Variants in CRLF3 observed in about 807,000 individuals in gnomAD.
CRLF3 encodes the protein cytokine receptor like factor 3.
A neutral mutation model predicts 55.0 loss-of-function variants in CRLF3; 33 were observed. That is an observed-to-expected ratio of 0.60 (90% confidence interval 0.46 to 0.80). The LOEUF is 0.80. Among genes scored for constraint, CRLF3 ranks in the 30% least tolerant of loss-of-function variants. The probability of loss-of-function intolerance (pLI) is 0.00; values close to 1 mark genes in which losing one functional copy is unlikely to be tolerated. For missense variants in CRLF3, 494 were observed against 538.4 expected (o/e 0.92, Z 0.82); for synonymous variants, 238 against 196.8 (o/e 1.21, Z -1.75).
chr17:30,811,987 G>A (rs1038619718), intron 1 of CRLF3, among the ~76,000 whole-genome samples: 28 of 151,902 alleles, frequency 1.8e-4, no homozygotes, highest in African/African-American at 5.8e-4. Flanking sequence ...GCGGGCACTT[G>A]TAGTCCCAGC....
intron 7 of CRLF3, chr17:30,784,728 G>T: frequency 2.2e-5 from 6 of 273,576 alleles, no homozygotes; most frequent in Admixed American, 1.5e-4. Context: ...AAAGAATCTT[G>T]TTCTACCGAA....
chr17:30,824,551 A>G lies in CRLF3; in HGVS notation c.101T>C (p.Leu34Pro). The G allele has an allele frequency of 6.3e-7, 1 of 1,598,800 alleles. No homozygotes were observed. Among genetic ancestry groups the G allele is most frequent in the Non-Finnish European group, 8.5e-7 (1 of 1,177,240 alleles). Residue 34 changes from leucine to proline, a missense_variant, in exon 1 of 8, where the codon CTT becomes CCT. Physicochemically the swap from Leu to Pro is moderately conservative, Grantham distance 98. Transcript: ENST00000324238. ...QSYRRELGHR[L>P]EGLREARRQI... ...CCTCCGCGCCTCACGCAGCCCCTCA[A>G]GCCGGTGACCCAGCTCCCGCCGGTA...
Position 30,790,266 on chromosome 17 carries a change from TA to T in CRLF3, c.959+2173del, listed in dbSNP as rs1971761672. Among the ~76,000 whole-genome samples the T allele has an allele frequency of 5.3e-5, 8 of 152,176 alleles. No homozygotes were observed. The South Asian group carries it at 1.7e-3, about 32-fold the overall frequency. On this transcript the variant is annotated intron_variant, in intron 6 of 7. Transcript: ENST00000324238. ...AAATCCCATCTCAAGACTTAAAACT[TA>T]GAGGAGAGCTTGTTACACTAAGGTG...
chr17:30,798,856 T>A (rs1431202692), intron 2 of CRLF3, among the ~76,000 whole-genome samples: 1 of 151,570 alleles, frequency 6.6e-6, no homozygotes, highest in African/African-American at 2.4e-5. Flanking sequence ...AGTAAATAAA[T>A]AAATAAAATC....
intron 5 of CRLF3, 41 bp downstream of exon 5, chr17:30,793,409 T>A: frequency 6.7e-7 from 1 of 1,486,106 alleles, no homozygotes; most frequent in Non-Finnish European, 9.4e-7. Context: ...GGTATTCTAA[T>A]ATATAGTTAG....
chr17:30,823,228 G>C (rs1473812447), intron 1 of CRLF3, among the ~76,000 whole-genome samples: 1 of 151,778 alleles, frequency 6.6e-6, no homozygotes, highest in Non-Finnish European at 1.5e-5. Context: ...CGGGTGTGGT[G>C]GCGCAGACTT....
intron 6 of CRLF3, among the ~76,000 whole-genome samples, chr17:30,790,274 A>G (rs1161736810): frequency 6.6e-6 from 1 of 152,176 alleles, no homozygotes; most frequent in African/African-American, 2.4e-5. Flanking sequence ...CTTAGAGGAG[A>G]GCTTGTTACA....
chr17:30,794,991 T>TA (rs1400483304), intron 4 of CRLF3, among the ~76,000 whole-genome samples: 2 of 152,136 alleles, frequency 1.3e-5, no homozygotes, highest in Non-Finnish European at 2.9e-5. Flanking sequence ...GAAGACCTCA[T>TA]AATTTTACAC....
chr17:30,788,251 C>T (rs530638254), intron 6 of CRLF3, among the ~76,000 whole-genome samples: 145 of 150,918 alleles, frequency 9.6e-4, no homozygotes, highest in African/African-American at 3.3e-3. Flanking sequence ...TCGCTTGAAC[C>T]TGAGAGGTGG....
chr17:30,804,180 G>A, intron 1 of CRLF3, 72 bp from the exon 2 acceptor site: 1 of 1,017,914 alleles, frequency 9.8e-7, no homozygotes, highest in Non-Finnish European at 1.5e-6. Flanking sequence ...TAATTCACAT[G>A]AATCTAAAAG....
intron 1 of CRLF3, among the ~76,000 whole-genome samples, chr17:30,815,950 T>C (rs939437736): frequency 5.3e-5 from 8 of 150,568 alleles, no homozygotes; most frequent in Admixed American, 1.3e-4. Flanking sequence ...TTTCTGTACA[T>C]TGGTGTTGTT....
intron 1 of CRLF3, among the ~76,000 whole-genome samples, chr17:30,805,930 G>T (rs1008541752): frequency 1.3e-5 from 2 of 152,088 alleles, no homozygotes; most frequent in African/African-American, 4.8e-5. Flanking sequence ...GGCTGAGGTG[G>T]GAGGATCACC....
At chr17:30,823,180 G>A (rs978238940) in intron 1 of CRLF3, among the ~76,000 whole-genome samples, 2 of 151,894 alleles carry the variant, frequency 1.3e-5, no homozygotes, top group African/African-American at 4.8e-5. Flanking sequence ...TGGCCAACCT[G>A]GTGAAACCTC....
At position 30,791,450 on chromosome 17, in the gene CRLF3, AACC is replaced by A. The variant is rs1485896383; in HGVS notation, c.959+987_959+989del. The stretch of plus-strand genomic sequence containing the variant: ...TCGAACTCCTGACCACAAGTGATCC[AACC>A]GCCTCGGCCTCCCAAAGTGCTGGGA... On this transcript the variant is annotated intron_variant, in intron 6 of 7. Coordinates refer to ENST00000324238, the MANE Select transcript of CRLF3 (RefSeq NM_015986.4). Among the ~76,000 whole-genome samples the A allele has an allele frequency of 6.2e-4, 94 of 151,714 alleles. 1 individual carries two copies. Among genetic ancestry groups the A allele is most frequent in the African/African-American group, 2.2e-3 (91 of 41,316 alleles).
intron 1 of CRLF3, among the ~76,000 whole-genome samples, chr17:30,818,957 A>C (rs1291324868): frequency 1.3e-5 from 2 of 151,962 alleles, no homozygotes; most frequent in African/African-American, 4.8e-5. Flanking sequence ...CTGGAATTAC[A>C]GGTGCATTCC....
Position 30,797,304 on chromosome 17 carries a change from C to G in CRLF3, c.425+7G>C, listed in dbSNP as rs1567662736. On this transcript the variant is annotated splice_region_variant and intron_variant, in intron 3 of 7. Coordinates refer to ENST00000324238, the MANE Select transcript of CRLF3 (RefSeq NM_015986.4). ...AAAGTAAGTCAAAAAGGCACAAACT[C>G]TTTTACCTGTCCAACTGAATGTGCG... The G allele has an allele frequency of 1.2e-6, 2 of 1,605,834 alleles. No homozygotes were observed. The highest frequency in any genetic ancestry group is 8.5e-7 in the Non-Finnish European group (1 of 1,172,466).
intron 1 of CRLF3, among the ~76,000 whole-genome samples, chr17:30,824,170 G>A (rs1175380945): frequency 6.6e-6 from 1 of 151,696 alleles, no homozygotes; most frequent in African/African-American, 2.4e-5. Context: ...CCCACCGCAG[G>A]TTTTTTACCA....
At chr17:30,794,498 G>A (rs150428900) in intron 4 of CRLF3, among the ~76,000 whole-genome samples, 153 of 152,234 alleles carry the variant, frequency 1.0e-3, no homozygotes, top group African/African-American at 3.4e-3. Flanking sequence ...TGGCAAATAC[G>A]ATCTAAAACC....
intron 1 of CRLF3, among the ~76,000 whole-genome samples, chr17:30,811,500 A>G (rs1904620625): frequency 6.6e-6 from 1 of 151,438 alleles, no homozygotes; most frequent in Non-Finnish European, 1.5e-5. Flanking sequence ...ACAGAAAAAC[A>G]TATTTATCAA....
Sources: gnomAD v4.1 joint callset for allele counts (sites outside exome capture counted in the v4.1 genomes callset) on GRCh38, gnomAD v4.1.1 for gene constraint, MANE v1.5 for transcripts, NCBI Gene and HGNC (gene_info 2026-07-23, HGNC 2026-07-21) for gene names.